Variants in SNX9 observed in about 807,000 individuals in gnomAD.
SNX9 encodes sorting nexin 9.
A neutral mutation model predicts 89.4 loss-of-function variants in SNX9; 44 were observed. The ratio of observed to expected loss-of-function variants is 0.49; its 90% CI spans 0.39 to 0.63. The LOEUF (loss-of-function observed/expected upper bound fraction) is 0.63, where lower values mean the gene tolerates loss of function less well. SNX9 is among the 30% of genes least tolerant of loss of function. The pLI is 0.00. For synonymous variants in SNX9, 236 were observed against 247.8 expected, an observed-to-expected ratio of 0.95 and a Z score of 0.45; for missense variants, 578 against 736.1, an observed-to-expected ratio of 0.79 and a Z score of 2.49.
intron 1 of SNX9, among the ~76,000 whole-genome samples, chr6:157,828,447 T>TC (rs1304554201): frequency 6.6e-6 from 1 of 152,206 alleles, no homozygotes; most frequent in Admixed American, 6.5e-5. Flanking sequence ...CCCTTGTCCT[T>TC]CCCTAGGTAC....
rs1442186402 is a variant in SNX9, at chr6:157,823,806, G to C, written c.12+360G>C. ...CGCAGCCCGGGGAGGCCCCCGAGGC[G>C]ACTGGCGCTCTGTGGCGTCCGGCGT... On this transcript the variant is annotated intron_variant, in intron 1 of 17. Coordinates refer to ENST00000392185, the MANE Select transcript of SNX9 (RefSeq NM_016224.5). This position sits in a 1 kb window ranked among gnomAD's most constrained non-coding sequence, Gnocchi z 4.6. Among the ~76,000 whole-genome samples, 1 of 151,980 alleles carries C rather than the reference G, an allele frequency of 6.6e-6. No homozygotes were observed. Among genetic ancestry groups the C allele is most frequent in the Non-Finnish European group, 1.5e-5 (1 of 67,948 alleles).
intron 4 of SNX9, among the ~76,000 whole-genome samples, chr6:157,894,405 C>T (rs1408199757): frequency 4.0e-5 from 6 of 148,574 alleles, no homozygotes; most frequent in African/African-American, 9.9e-5. Flanking sequence ...CCACTGTGCC[C>T]GGCCCCTATA....
chr6:157,894,109 T>TC (rs1332637625), intron 4 of SNX9, among the ~76,000 whole-genome samples: 3 of 117,110 alleles, frequency 2.6e-5, no homozygotes, highest in East Asian at 2.5e-4. Flanking sequence ...TTCTTTTCTT[T>TC]TTTTTTTTTT....
At chr6:157,902,272 A>G (rs1278250960) in intron 6 of SNX9, among the ~76,000 whole-genome samples, 4 of 152,090 alleles carry the variant, frequency 2.6e-5, no homozygotes, top group Non-Finnish European at 4.4e-5. Context: ...ATTTTATTTA[A>G]TGATTTCCCA....
intron 1 of SNX9, among the ~76,000 whole-genome samples, chr6:157,861,131 C>A (rs1782111303): frequency 6.6e-6 from 1 of 152,096 alleles, no homozygotes; most frequent in Non-Finnish European, 1.5e-5. Context: ...AATTTTTATT[C>A]ATTCTCAATT....
chr6:157,912,588 C>T (rs1430189531), intron 9 of SNX9, among the ~76,000 whole-genome samples: 1 of 152,198 alleles, frequency 6.6e-6, no homozygotes, highest in African/African-American at 2.4e-5. Context: ...ACTTGTGTGC[C>T]TCCTGCCTGG....
chr6:157,843,143 C>A (rs764038316), intron 1 of SNX9, among the ~76,000 whole-genome samples: 6 of 152,124 alleles, frequency 3.9e-5, no homozygotes, highest in Non-Finnish European at 5.9e-5. Flanking sequence ...GCCTTCTAAG[C>A]CTTTCTGTAC....
rs1243537370 is a variant in SNX9 at position 157,904,087 on chromosome 6, A to G, written c.621-2041A>G. Among the ~76,000 whole-genome samples, 4 of 152,380 alleles carry G rather than the reference A, an allele frequency of 2.6e-5. No individual in the cohort carries two copies. In the East Asian group the frequency reaches 7.7e-4, roughly 29 times the overall value. On this transcript the variant is annotated intron_variant, in intron 6 of 17. Transcript: ENST00000392185. ...GACAGCTGTATTCTAGTCATGGAAC[A>G]TAAATCTTATACTAGAAAAAGAGAT...
chr6:157,867,452 T>C (rs1279471663), intron 1 of SNX9, 95 bp from the exon 2 acceptor site: 1 of 948,458 alleles, frequency 1.1e-6, no homozygotes, highest in Non-Finnish European at 1.6e-6. Context: ...ATCATGTTTG[T>C]ACCAGCATGC....
rs754125469 is a variant in SNX9 at position 157,875,018 on chromosome 6, A to G, written c.175-33A>G. 9 of 1,611,424 alleles carry G rather than the reference A, an allele frequency of 5.6e-6. No homozygotes were observed. The Admixed American group carries it at 6.7e-5, about 12-fold the overall frequency. On this transcript the variant is annotated intron_variant, in intron 3 of 17. Transcript: ENST00000392185. ...AGACTCCCTGAAGTGACCGTAATCT[A>G]TGAAAATAATTGCGGCTCTTTCTCC...
intron 1 of SNX9, among the ~76,000 whole-genome samples, chr6:157,824,255 C>T (rs1415175049): frequency 6.6e-6 from 1 of 152,166 alleles, no homozygotes. Flanking sequence ...TCAAAAGCCA[C>T]CCTCCCCCGC....
At chr6:157,915,822 C>CAAAAAAAAAAAAAAAAAAA (rs570701086) in intron 9 of SNX9, among the ~76,000 whole-genome samples, 10 of 89,350 alleles carry the variant, frequency 1.1e-4, no homozygotes, top group African/African-American at 2.4e-4. Context: ...TAGACTCTGT[C>CAAAAAAAAAAAAAAAAAAA]AAAAAAAAAA....
chr6:157,824,672 C>A (rs1360185816), intron 1 of SNX9, among the ~76,000 whole-genome samples: 1 of 152,096 alleles, frequency 6.6e-6, no homozygotes, highest in East Asian at 1.9e-4. Context: ...CTAGGTGCAG[C>A]GTTTGTAGAG....
rs780085204 is a variant in SNX9 at position 157,942,868 on chromosome 6, G to C, written c.*30G>C. 4 of 1,601,528 alleles carry C rather than the reference G, an allele frequency of 2.5e-6. No individual in the cohort carries two copies. The African/African-American group carries it at 4.0e-5, about 16-fold the overall frequency. ...GAACGGGCCTTGAAGAGAATGCCGCGTGCTTTCTCCTGACTTGGGGCAATG... is the reference window on the plus strand; with the variant it reads ...GAACGGGCCTTGAAGAGAATGCCGCCTGCTTTCTCCTGACTTGGGGCAATG... On this transcript the variant is annotated 3_prime_UTR_variant, in exon 18 of 18. Coordinates refer to ENST00000392185, the MANE Select transcript of SNX9 (RefSeq NM_016224.5).
chr6:157,880,772 GT>G (rs1179691704), intron 4 of SNX9, among the ~76,000 whole-genome samples: 4 of 152,158 alleles, frequency 2.6e-5, no homozygotes, highest in African/African-American at 9.7e-5. Flanking sequence ...ACCTAGCTTG[GT>G]GTCAAGGCAG....
intron 1 of SNX9, among the ~76,000 whole-genome samples, chr6:157,825,776 A>C (rs1398577013): frequency 6.6e-6 from 1 of 152,104 alleles, no homozygotes; most frequent in Non-Finnish European, 1.5e-5. Flanking sequence ...TCATTTTTTA[A>C]TTGTTCCCAG....
intron 13 of SNX9, among the ~76,000 whole-genome samples, chr6:157,933,963 T>C (rs1783869402): frequency 6.6e-6 from 1 of 152,254 alleles, no homozygotes; most frequent in Non-Finnish European, 1.5e-5. Flanking sequence ...GATAATATTT[T>C]AAGGAAGCAT....
chr6:157,826,849 T>TATATATAAATATATATTATAGTTTATACA (rs1781362752), intron 1 of SNX9, among the ~76,000 whole-genome samples: 1 of 44,270 alleles, frequency 2.3e-5, no homozygotes, highest in East Asian at 5.2e-4. Flanking sequence ...TATTATATTT[T>TATATATAAATATATATTATAGTTTATACA]ATATATAAAT....
At chr6:157,862,724 ATTG>A (rs1248681167) in intron 1 of SNX9, among the ~76,000 whole-genome samples, 2 of 151,490 alleles carry the variant, frequency 1.3e-5, no homozygotes, top group Non-Finnish European at 2.9e-5. Context: ...TTTATTCTCT[ATTG>A]TTGTGCATTT....
Sources: gnomAD v4.1 joint callset for allele counts (sites outside exome capture counted in the v4.1 genomes callset) on GRCh38, gnomAD v4.1.1 for gene constraint, Gnocchi (gnomAD v3.1) non-coding constraint, MANE v1.5 for transcripts, NCBI Gene and HGNC (gene_info 2026-07-23, HGNC 2026-07-21) for gene names.